MAS1: variants seen among roughly 807,000 people sequenced by gnomAD.
MAS1 encodes the protein proto-oncogene Mas.
For missense variants in MAS1, 387 were observed against 409.7 expected, an observed-to-expected ratio of 0.94 and a Z score of 0.48; for synonymous variants, 163 against 164.2, an observed-to-expected ratio of 0.99 and a Z score of 0.05.
At position 159,914,095 on chromosome 6, in the gene MAS1, A is replaced by T. The variant is rs1364905439; in HGVS notation, c.*6162A>T. 1 of 152,198 alleles carries T rather than the reference A, an allele frequency of 6.6e-6. No homozygotes were observed. Among genetic ancestry groups the T allele is most frequent in the Non-Finnish European group, 1.5e-5 (1 of 68,024 alleles). The allele number at this position is 152,198 out of a possible 1,614,324, so 9.4% of individuals were successfully genotyped here. A position where few individuals can be genotyped will look rare whatever the true frequency, so the allele number is the denominator to read the frequency against. ...CTGGAGGAGACCAACAGTTTTAATTATTTCTGGGGTTTTTTTGGTCAAATT... is the reference window on the plus strand; with the variant it reads ...CTGGAGGAGACCAACAGTTTTAATTTTTTCTGGGGTTTTTTTGGTCAAATT... On this transcript the variant is annotated 3_prime_UTR_variant, in exon 3 of 3. Coordinates refer to ENST00000674077, the MANE Select transcript of MAS1 (RefSeq NM_002377.4).
chr6:159,895,506 T>A (rs1782745580), intron 1 of MAS1, among the ~76,000 whole-genome samples: 1 of 152,200 alleles, frequency 6.6e-6, no homozygotes, highest in South Asian at 2.1e-4. Context: ...TTGTAACGTA[T>A]AACATATAAC....
At chr6:159,896,299 T>C (rs1431469578) in intron 1 of MAS1, among the ~76,000 whole-genome samples, 1 of 152,116 alleles carries the variant, frequency 6.6e-6, no homozygotes, top group Non-Finnish European at 1.5e-5. Flanking sequence ...TGTCTCAAAA[T>C]TATAAATATA....
chr6:159,898,731 T>TTCC (rs1390530254), intron 1 of MAS1, among the ~76,000 whole-genome samples: 1 of 133,120 alleles, frequency 7.5e-6, no homozygotes, highest in African/African-American at 2.8e-5. Context: ...CTCCTCCCTC[T>TTCC]TCCTCCTCCT....
upstream of MAS1, among the ~76,000 whole-genome samples, chr6:159,889,853 C>T (rs1018672033): frequency 6.6e-6 from 1 of 152,178 alleles, no homozygotes; most frequent in Admixed American, 6.5e-5. Flanking sequence ...GGCCGAGCTG[C>T]TGGTCAGGCT....
At chr6:159,897,812 C>A in intron 1 of MAS1, among the ~76,000 whole-genome samples, 1 of 151,766 alleles carries the variant, frequency 6.6e-6, no homozygotes, top group East Asian at 1.9e-4. Flanking sequence ...TTTGATCAGT[C>A]CCTGCGGACT....
chr6:159,903,239 A>G (rs569364181), intron 2 of MAS1, among the ~76,000 whole-genome samples: 92 of 152,176 alleles, frequency 6.0e-4, no homozygotes, highest in African/African-American at 2.1e-3. Context: ...ACTGGGCTCC[A>G]GAGTCCATCA....
intron 1 of MAS1, among the ~76,000 whole-genome samples, chr6:159,898,600 T>C (rs115193248): frequency 0.011 from 29 of 2,722 alleles, no homozygotes; most frequent in Admixed American, 0.015. Context: ...TGTTCCTCCT[T>C]CCTCTTCCTC....
intron 2 of MAS1, 133 bp downstream of exon 2, chr6:159,899,525 A>C (rs1470862804): frequency 1.3e-5 from 2 of 152,366 alleles, no homozygotes; most frequent in African/African-American, 4.8e-5. Flanking sequence ...CAGGAGTTTG[A>C]GACCAGCCTA....
rs75939504 is a variant in MAS1 at position 159,905,115 on chromosome 6, T to C, written c.-36-1805T>C. Among the ~76,000 whole-genome samples, 641 of 152,346 alleles carry C rather than the reference T, an allele frequency of 4.2e-3. 13 individuals are homozygous for C. The highest frequency in any genetic ancestry group is 0.039 in the East Asian group (200 of 5,178). ...ACATCAGTTTGATTGTTGTTGCTGT[T>C]ATTGTATTTTGCTTGACTGCCTCCC... On this transcript the variant is annotated intron_variant, in intron 2 of 2. Transcript: ENST00000674077.
intron 2 of MAS1, among the ~76,000 whole-genome samples, chr6:159,903,874 C>T (rs1037323823): frequency 6.6e-6 from 1 of 152,180 alleles, no homozygotes; most frequent in Non-Finnish European, 1.5e-5. Context: ...TTCACCTGTT[C>T]TCCTCCCATT....
In MAS1 at chr6:159,916,311, A is replaced by C. The variant is rs1783022094; in HGVS notation, c.*8378A>C. ...GAGTTGTCAGATTCATAGAGACAGAAGGTAGAATGGTGGTGGCCGGGGGCT... is the reference window on the plus strand; with the variant it reads ...GAGTTGTCAGATTCATAGAGACAGACGGTAGAATGGTGGTGGCCGGGGGCT... On this transcript the variant is annotated 3_prime_UTR_variant, in exon 3 of 3. Coordinates refer to ENST00000674077, the MANE Select transcript of MAS1 (RefSeq NM_002377.4). 6.6e-6 allele frequency: 1 copy of C among 152,160 alleles called. No individual in the cohort carries two copies. The highest frequency in any genetic ancestry group is 1.5e-5 in the Non-Finnish European group (1 of 68,038). The allele number at this position is 152,160 out of a possible 1,614,324, so 9.4% of individuals were successfully genotyped here. A position where few individuals can be genotyped will look rare whatever the true frequency, so the allele number is the denominator to read the frequency against.
intron 2 of MAS1, chr6:159,902,222 G>GA (rs1782830545): frequency 6.6e-6 from 1 of 152,194 alleles, no homozygotes; most frequent in Non-Finnish European, 1.5e-5. Flanking sequence ...ACTCGGATTA[G>GA]GTCCTGAATT....
At chr6:159,906,808 CT>C (rs957973425) in intron 2 of MAS1, 111 bp from the exon 3 acceptor site, 24 of 875,280 alleles carry the variant, frequency 2.7e-5, no homozygotes, top group Non-Finnish European at 3.8e-5. Context: ...GTCTGTTAAA[CT>C]TTTTTTTAAT....
chr6:159,898,409 G>A (rs1782777736), intron 1 of MAS1, among the ~76,000 whole-genome samples: 1 of 152,060 alleles, frequency 6.6e-6, no homozygotes, highest in African/African-American at 2.4e-5. Flanking sequence ...GGTTGTGAAG[G>A]TTGGCCTGCC....
rs1258513588 is a variant in MAS1 at position 159,912,860 on chromosome 6, G to C, written c.*4927G>C. 3 of 152,284 alleles carry C rather than the reference G, an allele frequency of 2.0e-5. No individual in the cohort carries two copies. In the East Asian group the frequency reaches 5.8e-4, roughly 29 times the overall value. 9.4% of individuals were successfully genotyped at this position (152,284 alleles called of 1,614,324 possible). A position where few individuals can be genotyped will look rare whatever the true frequency, so the allele number is the denominator to read the frequency against. On this transcript the variant is annotated 3_prime_UTR_variant, in exon 3 of 3. Transcript: ENST00000674077. The stretch of plus-strand genomic sequence containing the variant: ...ACTGCTAAAATACACTTCAACTATT[G>C]ATAAAAGAGCATGGAGCAGAGTTAG...
At chr6:159,895,288 G>C (rs1250565971) in intron 1 of MAS1, among the ~76,000 whole-genome samples, 5 of 152,150 alleles carry the variant, frequency 3.3e-5, no homozygotes, top group African/African-American at 1.2e-4. Context: ...CCTTGGACTA[G>C]TCCTGAGTTA....
At chr6:159,903,503 C>A (rs1038872041) in intron 2 of MAS1, among the ~76,000 whole-genome samples, 3 of 152,152 alleles carry the variant, frequency 2.0e-5, no homozygotes, top group African/African-American at 7.2e-5. Context: ...CTAGCCCTCT[C>A]TTTCCCTCAT....
chr6:159,899,014 T>A (rs1165479540), intron 1 of MAS1, among the ~76,000 whole-genome samples, 172 bp from the exon 2 acceptor site: 2 of 152,164 alleles, frequency 1.3e-5, no homozygotes, highest in Non-Finnish European at 2.9e-5. Flanking sequence ...GAGCCTGGCA[T>A]GTTTTTTAAT....
At chr6:159,896,446 G>C (rs2115109064) in intron 1 of MAS1, among the ~76,000 whole-genome samples, 1 of 152,250 alleles carries the variant, frequency 6.6e-6, no homozygotes, top group South Asian at 2.1e-4. Flanking sequence ...GATACCAAAA[G>C]ATTATAAAAT....
Sources: gnomAD v4.1 joint callset for allele counts (sites outside exome capture counted in the v4.1 genomes callset) on GRCh38, gnomAD v4.1.1 for gene constraint, MANE v1.5 for transcripts, NCBI Gene and HGNC (gene_info 2026-07-23, HGNC 2026-07-21) for gene names.